The following DPP10 variants were observed in gnomAD, a reference collection of about 807,000 sequenced individuals.
The protein encoded by DPP10 is inactive dipeptidyl peptidase 10.
DPP10 carries 33 observed loss-of-function variants against 120.9 expected under a neutral mutation model. The observed-to-expected ratio is 0.27, with a 90% CI of 0.21 to 0.37. The LOEUF is 0.37. Among genes scored for constraint, DPP10 ranks in the 10% least tolerant of loss-of-function variants. The pLI, the probability that DPP10 is intolerant of heterozygous loss-of-function variation, is 1.00. For missense variants in DPP10, 816 were observed against 942.8 expected, an observed-to-expected ratio of 0.87 and a Z score of 1.76; for synonymous variants, 337 against 326.1, an observed-to-expected ratio of 1.03 and a Z score of -0.36.
At chr2:115,656,284 G>A (rs2088329007) in intron 5 of DPP10, among the ~76,000 whole-genome samples, 1 of 151,384 alleles carries the variant, frequency 6.6e-6, no homozygotes, top group African/African-American at 2.4e-5. Flanking sequence ...TATCAATAAA[G>A]CTAAATAATA....
chr2:115,474,760 G>A (rs962028171), intron 3 of DPP10, among the ~76,000 whole-genome samples: 13 of 151,780 alleles, frequency 8.6e-5, no homozygotes, highest in Non-Finnish European at 1.8e-4. Flanking sequence ...TTAACAGGGA[G>A]GAATTCAAGC....
intron 1 of DPP10, among the ~76,000 whole-genome samples, chr2:115,208,594 A>C (rs1434124794): frequency 6.6e-6 from 1 of 152,076 alleles, no homozygotes; most frequent in Non-Finnish European, 1.5e-5. Flanking sequence ...AGTCTCCCTT[A>C]TCTGCATTAT....
intron 1 of DPP10, among the ~76,000 whole-genome samples, chr2:115,270,115 GAC>G (rs1559343030): frequency 1.4e-5 from 1 of 70,462 alleles, no homozygotes; most frequent in Non-Finnish European, 3.0e-5. Flanking sequence ...CACACACACA[GAC>G]ACACACACAA....
At chr2:114,724,787 A>G (rs573013062) in intron 1 of DPP10, among the ~76,000 whole-genome samples, 5 of 152,294 alleles carry the variant, frequency 3.3e-5, no homozygotes, top group African/African-American at 1.2e-4. Context: ...CCCCTGTCCA[A>G]TCAGAGTTGT....
At chr2:115,551,013 C>CT (rs1012320045) in intron 5 of DPP10, among the ~76,000 whole-genome samples, 8 of 151,880 alleles carry the variant, frequency 5.3e-5, no homozygotes, top group South Asian at 2.1e-4. Context: ...AATCATATTC[C>CT]TTTTTTTTCT....
chr2:114,618,154 A>G (rs1693814766), intron 1 of DPP10, among the ~76,000 whole-genome samples: 1 of 152,108 alleles, frequency 6.6e-6, no homozygotes, highest in Non-Finnish European at 1.5e-5. Context: ...GGTTTCAGTA[A>G]TAAAAAGGTG....
chr2:114,862,824 A>T (rs1404454717), intron 1 of DPP10, among the ~76,000 whole-genome samples: 1 of 151,910 alleles, frequency 6.6e-6, no homozygotes, highest in Non-Finnish European at 1.5e-5. Context: ...GGAATACACA[A>T]ATTTCTCATT....
intron 1 of DPP10, among the ~76,000 whole-genome samples, chr2:114,445,699 G>A (rs894919045): frequency 6.6e-6 from 1 of 151,922 alleles, no homozygotes; most frequent in African/African-American, 2.4e-5. Flanking sequence ...GAGGAAATTG[G>A]GAGAAGTTAT....
intron 1 of DPP10, among the ~76,000 whole-genome samples, chr2:115,261,864 A>G (rs1387339265): frequency 2.0e-5 from 3 of 152,210 alleles, no homozygotes; most frequent in Non-Finnish European, 2.9e-5. Context: ...ACACGTCACA[A>G]TCAGGTTTTG....
intron 1 of DPP10, among the ~76,000 whole-genome samples, chr2:115,244,235 TATATAGAGAGAGAG>T (rs776180171): frequency 0.14 from 7,539 of 53,708 alleles, 255 homozygotes; most frequent in Non-Finnish European, 0.18. Context: ...TATATATATA[TATATAGAGAGAGAG>T]AGAGAGAGAG....
At chr2:114,501,931 TC>T (rs1340281980) in intron 1 of DPP10, among the ~76,000 whole-genome samples, 8 of 125,334 alleles carry the variant, frequency 6.4e-5, no homozygotes, top group African/African-American at 2.4e-4. Context: ...AGATTGATAT[TC>T]CTTTTTTTTT....
chr2:115,299,624 T>C (rs1025868729), intron 1 of DPP10, among the ~76,000 whole-genome samples: 1 of 152,018 alleles, frequency 6.6e-6, no homozygotes, highest in Non-Finnish European at 1.5e-5. Flanking sequence ...ATAAGAAATA[T>C]ATAAATTCAA....
At chr2:115,365,332 A>G (rs1030781832) in intron 3 of DPP10, among the ~76,000 whole-genome samples, 7 of 152,004 alleles carry the variant, frequency 4.6e-5, no homozygotes, top group Admixed American at 1.3e-4. Context: ...TAAAATAGGA[A>G]TAATTTGGAC....
intron 1 of DPP10, among the ~76,000 whole-genome samples, chr2:114,443,106 T>C (rs935882190): frequency 5.3e-5 from 8 of 152,084 alleles, no homozygotes; most frequent in Non-Finnish European, 1.0e-4. Flanking sequence ...GAAAGTTTTG[T>C]GAGTGTCTAG....
intron 1 of DPP10, among the ~76,000 whole-genome samples, chr2:115,274,987 A>G (rs1017801833): frequency 1.3e-5 from 2 of 152,140 alleles, no homozygotes; most frequent in Non-Finnish European, 2.9e-5. Flanking sequence ...GTTTTCTTTT[A>G]TATTAGAAAT....
chr2:115,334,302 G>T (rs1045454079), intron 2 of DPP10, among the ~76,000 whole-genome samples: 9 of 132,440 alleles, frequency 6.8e-5, no homozygotes, highest in South Asian at 2.4e-4. Context: ...AAAGGCAAAA[G>T]AAAGATATAT....
At chr2:114,497,164 CACGTGTATACATGTGT>C (rs1294139908) in intron 1 of DPP10, among the ~76,000 whole-genome samples, 1 of 145,936 alleles carries the variant, frequency 6.9e-6, no homozygotes, top group Non-Finnish European at 1.5e-5. Flanking sequence ...TGTAGGTGTA[CACGTGTATACATGTGT>C]ACGTGTATAC....
chr2:114,453,916 A>G (rs1678422732), intron 1 of DPP10, among the ~76,000 whole-genome samples: 1 of 152,176 alleles, frequency 6.6e-6, no homozygotes, highest in Non-Finnish European at 1.5e-5. Context: ...AGGAGACCAA[A>G]TGGGATAGCA....
At chr2:115,253,922 A>G (rs1399910175) in intron 1 of DPP10, among the ~76,000 whole-genome samples, 1 of 152,192 alleles carries the variant, frequency 6.6e-6, no homozygotes, top group African/African-American at 2.4e-5. Flanking sequence ...TCCCTTCTGC[A>G]CTTCCCTGGT....
Sources: allele counts gnomAD v4.1 joint callset (sites outside exome capture counted in the v4.1 genomes callset), GRCh38; gene constraint gnomAD v4.1.1; transcripts MANE v1.5; gene names NCBI Gene and HGNC (gene_info 2026-07-23, HGNC 2026-07-21).